SNTG1: variants seen among roughly 807,000 people sequenced by gnomAD.
SNTG1 encodes the protein gamma-1-syntrophin.
In SNTG1, 39 loss-of-function variants were observed where a neutral mutation model predicts 74.7. That is an observed-to-expected ratio of 0.52 (90% CI 0.40 to 0.68). The LOEUF is 0.68. Among genes scored for constraint, SNTG1 ranks in the 30% least tolerant of loss-of-function variants. The pLI is 0.00. For missense variants in SNTG1, 685 were observed against 609.5 expected (o/e 1.12, Z -1.30); for synonymous variants, 254 against 217.1 (o/e 1.17, Z -1.49).
At chr8:50,578,064 A>C in intron 12 of SNTG1, among the ~76,000 whole-genome samples, 1 of 152,238 alleles carries the variant, frequency 6.6e-6, no homozygotes, top group East Asian at 1.9e-4. Context: ...TTTTCTGATA[A>C]CACTTGTTAG....
intron 12 of SNTG1, among the ~76,000 whole-genome samples, chr8:50,581,346 T>G (rs1450416121): frequency 6.6e-6 from 1 of 152,180 alleles, no homozygotes; most frequent in Non-Finnish European, 1.5e-5. Flanking sequence ...ATCAATAAAT[T>G]CTATGGTCAT....
rs755629403 is a variant in SNTG1 at position 50,658,619 on chromosome 8, G to A, written c.994G>A (p.Glu332Lys). ...PVTTWDWTRA[E>K]KTFSVYEIMC... The stretch of plus-strand genomic sequence containing the variant: ...GACCACCTGGGACTGGACGAGAGCA[G>A]AGAAAACATTCTCAGTTTATGAGAT... The change falls in exon 15 of 19, where the codon GAG becomes AAG. Residue 332 changes from glutamate (E) to lysine (K), a missense_variant. Coordinates refer to ENST00000642720, the MANE Select transcript of SNTG1 (RefSeq NM_018967.5). 1 of 1,610,380 alleles carries A rather than the reference G, an allele frequency of 6.2e-7. No homozygotes were observed. Among genetic ancestry groups the A allele is most frequent in the Non-Finnish European group, 8.5e-7 (1 of 1,177,472 alleles).
chr8:50,269,563 T>C (rs1356609672), intron 2 of SNTG1, among the ~76,000 whole-genome samples: 1 of 151,952 alleles, frequency 6.6e-6, no homozygotes, highest in African/African-American at 2.4e-5. Context: ...GGAAAAAAAA[T>C]TATGTGCCAG....
chr8:50,790,321 C>T (rs911130777), intron 18 of SNTG1, among the ~76,000 whole-genome samples: 1 of 151,904 alleles, frequency 6.6e-6, no homozygotes, highest in Non-Finnish European at 1.5e-5. Context: ...GCATAGGAAG[C>T]ATTTGGTATT....
At chr8:50,639,253 G>A (rs758311221) in intron 13 of SNTG1, among the ~76,000 whole-genome samples, 14 of 150,794 alleles carry the variant, frequency 9.3e-5, no homozygotes, top group South Asian at 2.1e-4. Flanking sequence ...TATTTCAGTG[G>A]CTTCTTTATT....
chr8:50,421,057 G>C (rs865789686), intron 4 of SNTG1, among the ~76,000 whole-genome samples: 6 of 112,430 alleles, frequency 5.3e-5, no homozygotes, highest in African/African-American at 1.6e-4. Flanking sequence ...GGGGGAGGGG[G>C]GGGCGAAGAT....
chr8:50,540,777 A>G (rs1256016540), intron 11 of SNTG1, among the ~76,000 whole-genome samples: 1 of 152,106 alleles, frequency 6.6e-6, no homozygotes, highest in Admixed American at 6.6e-5. Context: ...CTTTAAGTCT[A>G]TCTGTATTAG....
chr8:50,593,051 G>T (rs1338300991), intron 13 of SNTG1, among the ~76,000 whole-genome samples: 1 of 152,072 alleles, frequency 6.6e-6, no homozygotes, highest in Non-Finnish European at 1.5e-5. Flanking sequence ...CATTTCTGAT[G>T]ATATCTACAT....
chr8:50,384,543 T>C (rs1563313311), intron 2 of SNTG1, among the ~76,000 whole-genome samples: 1 of 152,200 alleles, frequency 6.6e-6, no homozygotes, highest in East Asian at 1.9e-4. Flanking sequence ...CTTATCACTC[T>C]GGGGAATTAT....
chr8:50,458,096 T>A (rs918319846), intron 8 of SNTG1: 2 of 152,306 alleles, frequency 1.3e-5, no homozygotes, highest in South Asian at 4.1e-4. Flanking sequence ...TACCCAACGC[T>A]GTCAATTTGC....
chr8:49,994,678 C>G (rs754028067), intron 1 of SNTG1, among the ~76,000 whole-genome samples: 1 of 151,860 alleles, frequency 6.6e-6, no homozygotes, highest in Non-Finnish European at 1.5e-5. Context: ...GTAATATAAT[C>G]TCCTCACTTT....
chr8:50,098,161 T>G (rs962153765), intron 1 of SNTG1, among the ~76,000 whole-genome samples: 1 of 152,114 alleles, frequency 6.6e-6, no homozygotes, highest in Admixed American at 6.6e-5. Context: ...CTGACATTGT[T>G]TTTAATTATT....
chr8:50,039,324 G>A (rs1345288108), intron 1 of SNTG1, among the ~76,000 whole-genome samples: 1 of 151,642 alleles, frequency 6.6e-6, no homozygotes, highest in African/African-American at 2.4e-5. Flanking sequence ...GCATGGTGGC[G>A]GGCGCCTGTA....
intron 2 of SNTG1, among the ~76,000 whole-genome samples, chr8:50,178,961 T>G (rs908934012): frequency 4.6e-5 from 7 of 152,228 alleles, no homozygotes; most frequent in African/African-American, 1.7e-4. Context: ...TCTACAAATT[T>G]TACTGCTTCA....
intron 8 of SNTG1, among the ~76,000 whole-genome samples, chr8:50,488,588 G>A (rs1339349005): frequency 6.6e-6 from 1 of 152,030 alleles, no homozygotes; most frequent in Non-Finnish European, 1.5e-5. Flanking sequence ...TTCTGGGCTT[G>A]CATATTGTTT....
At chr8:50,010,107 GT>G (rs1815631616) in intron 1 of SNTG1, among the ~76,000 whole-genome samples, 1 of 152,040 alleles carries the variant, frequency 6.6e-6, no homozygotes, top group South Asian at 2.1e-4. Context: ...TAATCAGTTT[GT>G]TTTAAAAGAA....
intron 1 of SNTG1, among the ~76,000 whole-genome samples, chr8:49,972,769 A>G (rs1811818571): frequency 2.0e-5 from 3 of 152,244 alleles, no homozygotes; most frequent in South Asian, 2.1e-4. Context: ...AAAAATGCTC[A>G]TCATCACTGG....
intron 1 of SNTG1, among the ~76,000 whole-genome samples, chr8:50,010,057 A>T (rs1216753982): frequency 6.6e-6 from 1 of 152,124 alleles, no homozygotes; most frequent in East Asian, 1.9e-4. Context: ...TCAAGTCTCA[A>T]GTCTTCTTAA....
rs570753495 is a variant in SNTG1 at position 49,990,164 on chromosome 8, G to A, written c.-103+77933G>A. On this transcript the variant is annotated intron_variant, in intron 1 of 18. Coordinates refer to ENST00000642720, the MANE Select transcript of SNTG1 (RefSeq NM_018967.5). ...AACTGTCTCTATTTAGAAATCATAT[G>A]ATCTTGTACATAGAAAATCATAAAT... Among the ~76,000 whole-genome samples the A allele has an allele frequency of 3.9e-5, 6 of 151,952 alleles. No individual in the cohort carries two copies. In the South Asian group the frequency reaches 1.2e-3, roughly 32 times the overall value.
Sources: gnomAD v4.1 joint callset for allele counts (sites outside exome capture counted in the v4.1 genomes callset) on GRCh38, gnomAD v4.1.1 for gene constraint, MANE v1.5 for transcripts, NCBI Gene and HGNC (gene_info 2026-07-23, HGNC 2026-07-21) for gene names.